NBAS: variants seen among roughly 807,000 people sequenced by gnomAD.
NBAS encodes the protein NBAS subunit of NRZ tethering complex, also known as NAG/BC035112 fusion.
NBAS carries 219 observed loss-of-function variants against 302.5 expected under a neutral mutation model. The ratio of observed to expected loss-of-function variants is 0.72; its 90% CI spans 0.65 to 0.81. The LOEUF is 0.81. NBAS is among the 30% of genes least tolerant of loss of function. NBAS has a pLI of 0.00. For missense variants in NBAS, 2,932 were observed against 2,841.6 expected (o/e 1.03, Z -0.72); for synonymous variants, 1,118 against 1,021.6 (o/e 1.09, Z -1.80).
At chr2:14,949,312 T>C in the NBAS span, among the ~76,000 whole-genome samples, 1 of 152,216 alleles carries the variant, frequency 6.6e-6, no homozygotes, top group Admixed American at 6.5e-5. Context: ...ATTCACATAA[T>C]GGGAGAAAAA....
At chr2:14,944,833 T>C in the NBAS span, among the ~76,000 whole-genome samples, 2 of 151,890 alleles carry the variant, frequency 1.3e-5, no homozygotes, top group Non-Finnish European at 2.9e-5. Context: ...GAGCAGAAAA[T>C]TTTTACCCAA....
At chr2:14,978,005 T>A in the NBAS span, among the ~76,000 whole-genome samples, 3 of 152,150 alleles carry the variant, frequency 2.0e-5, no homozygotes, top group East Asian at 5.8e-4. Flanking sequence ...AAACAAGTGG[T>A]TCTCTTCAAC....
At chr2:14,820,378 T>A in the NBAS span, among the ~76,000 whole-genome samples, 1 of 152,154 alleles carries the variant, frequency 6.6e-6, no homozygotes, top group Non-Finnish European at 1.5e-5. Flanking sequence ...TGGATAGAAC[T>A]GGAGGTCATT....
chr2:15,175,672 G>C (rs1024406844), intron 51 of NBAS, among the ~76,000 whole-genome samples: 7 of 152,094 alleles, frequency 4.6e-5, no homozygotes, highest in African/African-American at 1.7e-4. Flanking sequence ...TCTCAAGGAA[G>C]GACTTTCCAT....
the NBAS span, among the ~76,000 whole-genome samples, chr2:14,818,766 G>GC: frequency 2.4e-3 from 358 of 152,338 alleles, no homozygotes; most frequent in African/African-American, 7.8e-3. Flanking sequence ...AGCAAGGCAA[G>GC]CTACTGAGGA....
chr2:15,398,374 T>C (rs1225926227), intron 26 of NBAS, among the ~76,000 whole-genome samples: 1 of 152,098 alleles, frequency 6.6e-6, no homozygotes. Context: ...CAACTGATTC[T>C]CCCGCCTTGG....
chr2:15,522,619 T>C (rs189893386), intron 9 of NBAS, among the ~76,000 whole-genome samples: 33 of 152,290 alleles, frequency 2.2e-4, no homozygotes, highest in Admixed American at 2.2e-3. Context: ...TATAAAAATA[T>C]ATAGAATAGG....
At chr2:15,451,006 G>A (rs1572871811) in intron 21 of NBAS, among the ~76,000 whole-genome samples, 2 of 152,158 alleles carry the variant, frequency 1.3e-5, no homozygotes, top group African/African-American at 4.8e-5. Flanking sequence ...GACTGTTTGG[G>A]AGAAAAAGGT....
intron 35 of NBAS, among the ~76,000 whole-genome samples, chr2:15,341,361 G>A (rs550861922): frequency 2.5e-4 from 38 of 151,554 alleles, no homozygotes; most frequent in African/African-American, 9.0e-4. Context: ...ACTCCTGCCT[G>A]GGCAACAGAG....
At chr2:15,086,992 C>T in the NBAS span, among the ~76,000 whole-genome samples, 1,153 of 151,894 alleles carry the variant, frequency 7.6e-3, 16 homozygotes, top group African/African-American at 0.027. Flanking sequence ...CACACACACA[C>T]CACACCCCTG....
chr2:15,067,204 G>A, the NBAS span, among the ~76,000 whole-genome samples: 1 of 150,452 alleles, frequency 6.6e-6, no homozygotes, highest in Non-Finnish European at 1.5e-5. Context: ...AATTAGCCAG[G>A]TGTGGTGGTG....
the NBAS span, among the ~76,000 whole-genome samples, chr2:14,878,456 T>C: frequency 6.6e-6 from 1 of 152,098 alleles, no homozygotes; most frequent in East Asian, 1.9e-4. Context: ...AAAGGAGCCA[T>C]ATCATTGGGT....
At chr2:14,899,702 C>T in the NBAS span, among the ~76,000 whole-genome samples, 2 of 151,680 alleles carry the variant, frequency 1.3e-5, no homozygotes. Flanking sequence ...ACACTTCTGC[C>T]CATTCTTTCA....
intron 12 of NBAS, among the ~76,000 whole-genome samples, chr2:15,487,353 G>C (rs530020337): frequency 6.6e-6 from 1 of 152,292 alleles, no homozygotes; most frequent in Non-Finnish European, 1.5e-5. Context: ...TCAAGAAGTA[G>C]AGTCATCCCT....
intron 9 of NBAS, among the ~76,000 whole-genome samples, chr2:15,514,600 C>A (rs1662301489): frequency 6.6e-6 from 1 of 151,414 alleles, no homozygotes; most frequent in African/African-American, 2.4e-5. Flanking sequence ...TAAAACAGTT[C>A]CTTGATAACT....
At chr2:15,348,006 G>T (rs1376914670) in intron 35 of NBAS, among the ~76,000 whole-genome samples, 1 of 152,158 alleles carries the variant, frequency 6.6e-6, no homozygotes, top group Non-Finnish European at 1.5e-5. Context: ...AGTAATGAAA[G>T]TCTTAAGTAT....
chr2:15,344,522 A>C (rs1412307211), intron 35 of NBAS, among the ~76,000 whole-genome samples: 1 of 152,152 alleles, frequency 6.6e-6, no homozygotes, highest in Non-Finnish European at 1.5e-5. Context: ...AGTAATTAAT[A>C]GGCTACCAAC....
the NBAS span, among the ~76,000 whole-genome samples, chr2:14,872,935 T>G: frequency 6.6e-6 from 1 of 152,162 alleles, no homozygotes; most frequent in African/African-American, 2.4e-5. Flanking sequence ...GCTGCAGAAC[T>G]TTGTGGTGAG....
the NBAS span, among the ~76,000 whole-genome samples, chr2:14,918,254 A>G: frequency 1.3e-5 from 2 of 152,124 alleles, no homozygotes; most frequent in South Asian, 4.2e-4. Flanking sequence ...GCACTGCACT[A>G]AGCATTGACA....
Sources: gnomAD v4.1 joint callset for allele counts (sites outside exome capture counted in the v4.1 genomes callset) on GRCh38, gnomAD v4.1.1 for gene constraint, MANE v1.5 for transcripts, NCBI Gene and HGNC (gene_info 2026-07-23, HGNC 2026-07-21) for gene names.